Variants in HGSNAT observed in about 807,000 individuals in gnomAD.
HGSNAT encodes heparan-alpha-glucosaminide N-acetyltransferase.
Under a neutral mutation model 85.2 loss-of-function variants are expected in HGSNAT, and 59 were observed. The observed-to-expected ratio is 0.69, with a 90% confidence interval of 0.56 to 0.86. The LOEUF (loss-of-function observed/expected upper bound fraction) is 0.86. Ranked by LOEUF, HGSNAT falls within the 40% of genes least tolerant of loss-of-function variation. The pLI is 0.00. For missense variants in HGSNAT, 756 were observed against 777.1 expected (o/e 0.97, Z 0.32); for synonymous variants, 321 against 304.5 (o/e 1.05, Z -0.56).
At chr8:43,167,815 T>G (rs548039322) in intron 5 of HGSNAT, 1 of 193,302 alleles carries the variant, frequency 5.2e-6, no homozygotes, top group African/African-American at 2.4e-5. Flanking sequence ...AAAAGATTTC[T>G]TCCCAGGTAG....
intron 2 of HGSNAT, among the ~76,000 whole-genome samples, chr8:43,148,850 G>C (rs972813418): frequency 6.6e-6 from 1 of 151,332 alleles, no homozygotes; most frequent in African/African-American, 2.4e-5. Context: ...CGTGCACGGT[G>C]GCTCACTCTT....
Position 43,197,836 on chromosome 8 carries a change from C to G in HGSNAT, c.1614-4C>G. ...CACTGAAACGTCTCCTCCACCCCTC[C>G]CAGGTCCCTTTCGTATGTCACTACG... On this transcript the variant is annotated splice_region_variant and splice_polypyrimidine_tract_variant and intron_variant, in intron 16 of 17. Transcript: ENST00000379644. 6.2e-7 allele frequency: 1 copy of G among 1,612,540 alleles called. No homozygotes were observed. The highest frequency in any genetic ancestry group is 1.3e-5 in the African/African-American group (1 of 75,030).
intron 2 of HGSNAT, among the ~76,000 whole-genome samples, chr8:43,154,469 T>C (rs1803026268): frequency 6.6e-6 from 1 of 151,972 alleles, no homozygotes; most frequent in African/African-American, 2.4e-5. Context: ...CTTGCGATAG[T>C]TTGCTGAGAA....
intron 1 of HGSNAT, among the ~76,000 whole-genome samples, chr8:43,144,166 C>A (rs976971014): frequency 1.3e-5 from 2 of 149,504 alleles, no homozygotes; most frequent in Non-Finnish European, 3.0e-5. Context: ...CAAAAAAAGA[C>A]AAAAAAAAAT....
chr8:43,158,866 TC>T (rs1348411072), intron 3 of HGSNAT, 56 bp from the exon 4 acceptor site: 1 of 1,564,252 alleles, frequency 6.4e-7, no homozygotes, highest in African/African-American at 1.4e-5. Context: ...ATTAGCAAAA[TC>T]CAACTTCTTA....
chr8:43,164,179 G>A (rs933104972), intron 5 of HGSNAT, among the ~76,000 whole-genome samples: 5 of 152,156 alleles, frequency 3.3e-5, no homozygotes, highest in African/African-American at 9.7e-5. Flanking sequence ...AAAACAATCC[G>A]AGGCAGGAAT....
At chr8:43,197,575 C>G in intron 15 of HGSNAT, 97 bp from the exon 16 acceptor site, 2 of 873,952 alleles carry the variant, frequency 2.3e-6, no homozygotes, top group Middle Eastern at 3.3e-4. Flanking sequence ...TCAGCCCTCT[C>G]TACGTGATTA....
chr8:43,161,569 G>A, intron 5 of HGSNAT, 62 bp downstream of exon 5: 1 of 1,288,442 alleles, frequency 7.8e-7, no homozygotes, highest in Admixed American at 2.2e-5. Flanking sequence ...CATTCAGAAG[G>A]GGCAGCTGTC....
intron 5 of HGSNAT, among the ~76,000 whole-genome samples, chr8:43,166,160 G>A (rs1196746423): frequency 1.3e-5 from 2 of 152,122 alleles, no homozygotes; most frequent in Non-Finnish European, 2.9e-5. Context: ...AAGGAAGGAA[G>A]CCATTTCCAT....
chr8:43,151,953 C>A (rs939946030), intron 2 of HGSNAT, among the ~76,000 whole-genome samples: 4 of 152,146 alleles, frequency 2.6e-5, no homozygotes, highest in Non-Finnish European at 4.4e-5. Flanking sequence ...TACAATTCAC[C>A]CCTCCCTGTA....
intron 5 of HGSNAT, among the ~76,000 whole-genome samples, chr8:43,166,134 T>C (rs1202674616): frequency 6.6e-6 from 1 of 151,794 alleles, no homozygotes; most frequent in Non-Finnish European, 1.5e-5. Flanking sequence ...CTAGCAGAGG[T>C]TGGTTCAGAA....
At chr8:43,198,211 G>A (rs566003707) in intron 17 of HGSNAT, among the ~76,000 whole-genome samples, 64 of 149,522 alleles carry the variant, frequency 4.3e-4, no homozygotes, top group African/African-American at 1.6e-3. Context: ...GACTCCACCT[G>A]TTTCTTCAGG....
At chr8:43,157,642 G>A (rs540212870) in intron 2 of HGSNAT, among the ~76,000 whole-genome samples, 1 of 152,242 alleles carries the variant, frequency 6.6e-6, no homozygotes, top group African/African-American at 2.4e-5. Flanking sequence ...GCTGGGCGTA[G>A]TGATGCGTGC....
chr8:43,159,314 A>C (rs1186065813), intron 4 of HGSNAT, among the ~76,000 whole-genome samples: 2 of 152,204 alleles, frequency 1.3e-5, no homozygotes, highest in African/African-American at 4.8e-5. Flanking sequence ...TTGGCCTGGC[A>C]TGGTGGCTCA....
At chr8:43,153,221 A>ACCATGGGGAAAG (rs1218544619) in intron 2 of HGSNAT, among the ~76,000 whole-genome samples, 3 of 152,228 alleles carry the variant, frequency 2.0e-5, no homozygotes, top group Non-Finnish European at 4.4e-5. Context: ...AAGAACCTAG[A>ACCATGGGGAAAG]GTATTATAAC....
chr8:43,193,331 T>A (rs1804604461), intron 13 of HGSNAT, among the ~76,000 whole-genome samples: 1 of 152,188 alleles, frequency 6.6e-6, no homozygotes, highest in Non-Finnish European at 1.5e-5. Context: ...AAAAGAAACA[T>A]ATTTAAAAAT....
At chr8:43,185,092 G>T (rs1236341276) in intron 11 of HGSNAT, among the ~76,000 whole-genome samples, 1 of 152,114 alleles carries the variant, frequency 6.6e-6, no homozygotes, top group Non-Finnish European at 1.5e-5. Flanking sequence ...CTTTGTTCTT[G>T]TGGCTTAGGA....
At chr8:43,191,674 G>T in intron 12 of HGSNAT, 79 bp downstream of exon 12, 1 of 1,522,154 alleles carries the variant, frequency 6.6e-7, no homozygotes, top group South Asian at 1.2e-5. Flanking sequence ...CACAGGTCTC[G>T]AGTCAGAGGA....
rs764116697 is a variant in HGSNAT, at chr8:43,191,641, C to T, written c.1250+46C>T. 3.8e-6 allele frequency: 6 copies of T among 1,593,382 alleles called. No individual in the cohort carries two copies. In the Admixed American group the frequency reaches 6.7e-5, roughly 18 times the overall value. On this transcript the variant is annotated intron_variant, in intron 12 of 17. Coordinates refer to ENST00000379644, the MANE Select transcript of HGSNAT (RefSeq NM_152419.3). ...CATCCCTTGTGCATGTCCTGTTCTG[C>T]CCAGTCAGAGGTTCTGGGCTTTCAC...
Sources: allele counts gnomAD v4.1 joint callset (sites outside exome capture counted in the v4.1 genomes callset), GRCh38; gene constraint gnomAD v4.1.1; transcripts MANE v1.5; gene names NCBI Gene and HGNC (gene_info 2026-07-23, HGNC 2026-07-21).